ZNF827: variants seen among roughly 807,000 people sequenced by gnomAD.
ZNF827 encodes the protein zinc finger protein 827.
ZNF827 carries 13 observed loss-of-function variants against 102.4 expected under a neutral mutation model. That is an observed-to-expected ratio of 0.13 (90% CI 0.08 to 0.20). The LOEUF is 0.20. ZNF827 is among the 10% of genes least tolerant of loss of function. The pLI, the probability that ZNF827 is intolerant of heterozygous loss-of-function variation, is 1.00. For synonymous variants in ZNF827, 523 were observed against 536.2 expected (o/e 0.98, Z 0.34); for missense variants, 1,103 against 1,344.4 (o/e 0.82, Z 2.81).
intron 8 of ZNF827, among the ~76,000 whole-genome samples, chr4:145,804,998 A>G (rs1419436497): frequency 2.0e-5 from 3 of 152,252 alleles, no homozygotes; most frequent in Non-Finnish European, 2.9e-5. Flanking sequence ...CAGTACTGGC[A>G]AAATACAAAT....
intron 3 of ZNF827, among the ~76,000 whole-genome samples, chr4:145,887,806 G>A (rs1327613579): frequency 6.6e-6 from 1 of 152,190 alleles, no homozygotes; most frequent in Non-Finnish European, 1.5e-5. Flanking sequence ...CAGTCCCATG[G>A]GACCCTGACC....
intron 4 of ZNF827, among the ~76,000 whole-genome samples, chr4:145,871,965 G>T (rs889880536): frequency 3.9e-5 from 6 of 152,200 alleles, no homozygotes; most frequent in Middle Eastern, 3.4e-3. Context: ...TCCACTTCTG[G>T]TCTCTGTATT....
chr4:145,896,186 T>C (rs1396518793), intron 2 of ZNF827, among the ~76,000 whole-genome samples: 1 of 152,152 alleles, frequency 6.6e-6, no homozygotes, highest in African/African-American at 2.4e-5. Flanking sequence ...ATAAACAAAC[T>C]CTAAACATGC....
At chr4:145,898,832 TC>T (rs1197715696) in intron 2 of ZNF827, among the ~76,000 whole-genome samples, 1 of 152,170 alleles carries the variant, frequency 6.6e-6, no homozygotes, top group Admixed American at 6.5e-5. Context: ...GGTTTGGACT[TC>T]CCTTGACCTA....
intron 1 of ZNF827, among the ~76,000 whole-genome samples, chr4:145,936,835 G>C (rs900942017): frequency 2.0e-5 from 3 of 152,032 alleles, no homozygotes; most frequent in Non-Finnish European, 4.4e-5. Flanking sequence ...CGGGCGCTCC[G>C]GCTCCACTCC....
intron 8 of ZNF827, among the ~76,000 whole-genome samples, chr4:145,787,177 T>C (rs1224856403): frequency 6.6e-6 from 1 of 152,186 alleles, no homozygotes; most frequent in Non-Finnish European, 1.5e-5. Flanking sequence ...AGAAATAGTT[T>C]TTGTCGGCCG....
intron 5 of ZNF827, among the ~76,000 whole-genome samples, chr4:145,851,165 C>A (rs931943679): frequency 1.3e-5 from 2 of 152,182 alleles, no homozygotes; most frequent in Admixed American, 6.5e-5. Flanking sequence ...GCCAGACCAA[C>A]ATTTTGATTT....
At chr4:145,847,126 C>A (rs963441831) in intron 6 of ZNF827, among the ~76,000 whole-genome samples, 2 of 151,610 alleles carry the variant, frequency 1.3e-5, no homozygotes, top group Non-Finnish European at 2.9e-5. Flanking sequence ...TGCACTCCAG[C>A]CTGGGCGACA....
intron 1 of ZNF827, among the ~76,000 whole-genome samples, chr4:145,905,494 T>C (rs2126901579): frequency 6.6e-6 from 1 of 152,312 alleles, no homozygotes; most frequent in East Asian, 1.9e-4. Context: ...TTAAATTGAA[T>C]TTTCTCTGTT....
intron 5 of ZNF827, among the ~76,000 whole-genome samples, chr4:145,859,805 A>G (rs1340483869): frequency 6.6e-6 from 1 of 152,166 alleles, no homozygotes; most frequent in Non-Finnish European, 1.5e-5. Flanking sequence ...GAACACTCAC[A>G]GTTACACACA....
chr4:145,874,786 TA>T (rs952985009), intron 4 of ZNF827, among the ~76,000 whole-genome samples: 2 of 152,226 alleles, frequency 1.3e-5, no homozygotes, highest in Non-Finnish European at 2.9e-5. Context: ...AGTTTCTGGA[TA>T]ACTGCACTTT....
chr4:145,935,236 TAAAC>T (rs746522494), intron 1 of ZNF827, among the ~76,000 whole-genome samples: 107 of 152,216 alleles, frequency 7.0e-4, no homozygotes, highest in East Asian at 2.1e-3. Flanking sequence ...CTCTCACATA[TAAAC>T]AAACAAACAA....
chr4:145,846,806 G>A (rs1746009522), intron 6 of ZNF827, among the ~76,000 whole-genome samples: 1 of 143,718 alleles, frequency 7.0e-6, no homozygotes, highest in South Asian at 2.2e-4. Context: ...AACAGAGCAA[G>A]ACTCTGTCTC....
intron 6 of ZNF827, among the ~76,000 whole-genome samples, chr4:145,847,295 T>C (rs1746089284): frequency 6.6e-6 from 1 of 152,320 alleles, no homozygotes; most frequent in South Asian, 2.1e-4. Flanking sequence ...CACATAGAGT[T>C]ATGGGCAGAG....
chr4:145,900,287 ATTAT>A (rs1751310432), intron 2 of ZNF827, among the ~76,000 whole-genome samples: 1 of 152,372 alleles, frequency 6.6e-6, no homozygotes, highest in South Asian at 2.1e-4. Flanking sequence ...ACTAAAGTTT[ATTAT>A]TAACTTTGCA....
intron 1 of ZNF827, among the ~76,000 whole-genome samples, chr4:145,923,293 C>T (rs143967732): frequency 1.8e-3 from 272 of 152,082 alleles, no homozygotes; most frequent in Middle Eastern, 6.8e-3. Flanking sequence ...TTCAGATATG[C>T]CATCCAAAAC....
chr4:145,811,836 A>G (rs1742040525), intron 8 of ZNF827, among the ~76,000 whole-genome samples: 1 of 152,226 alleles, frequency 6.6e-6, no homozygotes, highest in Non-Finnish European at 1.5e-5. Context: ...ATACTTGAAA[A>G]GAAGCTCATT....
chr4:145,871,692 G>A (rs72954685), intron 4 of ZNF827, among the ~76,000 whole-genome samples: 4,036 of 152,176 alleles, frequency 0.027, 155 homozygotes, highest in African/African-American at 0.092. Flanking sequence ...ATAAATCCCC[G>A]AAGCAAACAT....
intron 9 of ZNF827, among the ~76,000 whole-genome samples, chr4:145,778,860 T>A (rs1737518581): frequency 6.6e-6 from 1 of 152,242 alleles, no homozygotes; most frequent in Non-Finnish European, 1.5e-5. Flanking sequence ...CTTTTTGTCT[T>A]CAATTATTTT....
Sources: allele counts gnomAD v4.1 joint callset (sites outside exome capture counted in the v4.1 genomes callset), GRCh38; gene constraint gnomAD v4.1.1; transcripts MANE v1.5; gene names NCBI Gene and HGNC (gene_info 2026-07-23, HGNC 2026-07-21).